Variants in OSBPL8 observed in about 807,000 individuals in gnomAD.
OSBPL8 encodes the protein oxysterol binding protein like 8, also known as oxysterol-binding protein-related protein 8.
A neutral mutation model predicts 125.5 loss-of-function variants in OSBPL8; 59 were observed. That is an observed-to-expected ratio of 0.47 (90% CI 0.38 to 0.58). The LOEUF is 0.58. Ranked by LOEUF, OSBPL8 falls within the 20% of genes least tolerant of loss-of-function variation. OSBPL8 has a pLI of 0.00. For missense variants in OSBPL8, 758 were observed against 1,047.8 expected (o/e 0.72, Z 3.82); for synonymous variants, 330 against 338.9 (o/e 0.97, Z 0.29).
chr12:76,386,341 G>T lies in OSBPL8; in HGVS notation c.1435-75C>A. The T allele has an allele frequency of 2.7e-6, 4 of 1,484,026 alleles. No homozygotes were observed. The South Asian group carries it at 5.6e-5, about 21-fold the overall frequency. 91.9% of individuals were successfully genotyped at this position (1,484,026 alleles called of 1,614,324 possible). A position where few individuals can be genotyped will look rare whatever the true frequency, so the allele number is the denominator to read the frequency against. On this transcript the variant is annotated intron_variant, in intron 13 of 23. Coordinates refer to ENST00000261183, the MANE Select transcript of OSBPL8 (RefSeq NM_020841.5). ...AAAATAGTTTAAACTAGTCAAAATG[G>T]GTTTAACTCTACCATCTGGGAACCG...
At chr12:76,543,392 A>G (rs1950697229) in intron 1 of OSBPL8, among the ~76,000 whole-genome samples, 1 of 152,150 alleles carries the variant, frequency 6.6e-6, no homozygotes, top group Non-Finnish European at 1.5e-5. Flanking sequence ...TTCAAAATAG[A>G]AAATGAAATC....
At chr12:76,457,598 T>C (rs1164819741) in intron 3 of OSBPL8, among the ~76,000 whole-genome samples, 1 of 152,196 alleles carries the variant, frequency 6.6e-6, no homozygotes, top group Non-Finnish European at 1.5e-5. Context: ...AAGGGTCAAC[T>C]GTACTTCACT....
At chr12:76,505,683 G>C (rs968492805) in intron 1 of OSBPL8, among the ~76,000 whole-genome samples, 2 of 151,822 alleles carry the variant, frequency 1.3e-5, no homozygotes, top group Non-Finnish European at 2.9e-5. Context: ...ATGACTAGAA[G>C]ACCCTTCCAA....
intron 4 of OSBPL8, among the ~76,000 whole-genome samples, chr12:76,448,797 A>G (rs1873025359): frequency 2.0e-5 from 3 of 152,126 alleles, no homozygotes; most frequent in South Asian, 2.1e-4. Flanking sequence ...GGCGGATCAC[A>G]AGGTCAAGAG....
intron 1 of OSBPL8, among the ~76,000 whole-genome samples, chr12:76,554,854 T>C (rs59295800): frequency 0.046 from 7,076 of 152,280 alleles, 593 homozygotes; most frequent in African/African-American, 0.16. Flanking sequence ...TCTTAGTCTT[T>C]GTATAATAAA....
chr12:76,411,110 A>G (rs1954496221), intron 4 of OSBPL8, among the ~76,000 whole-genome samples: 1 of 152,208 alleles, frequency 6.6e-6, no homozygotes, highest in African/African-American at 2.4e-5. Flanking sequence ...CAAAGCACTT[A>G]GCATAGTGTT....
At chr12:76,428,614 C>G (rs1870438988) in intron 4 of OSBPL8, among the ~76,000 whole-genome samples, 2 of 151,908 alleles carry the variant, frequency 1.3e-5, no homozygotes, top group South Asian at 4.2e-4. Flanking sequence ...CTTAAAGCAG[C>G]AGGATGAGTT....
intron 2 of OSBPL8, among the ~76,000 whole-genome samples, chr12:76,482,227 T>C (rs1447245734): frequency 1.3e-5 from 2 of 152,252 alleles, no homozygotes; most frequent in Non-Finnish European, 2.9e-5. Context: ...ATAAAATCAA[T>C]TTTTAATACA....
At chr12:76,534,626 T>C (rs540069170) in intron 1 of OSBPL8, among the ~76,000 whole-genome samples, 1 of 152,018 alleles carries the variant, frequency 6.6e-6, no homozygotes, top group East Asian at 1.9e-4. Flanking sequence ...AAGCAGAAAC[T>C]CACAAAAAGA....
In OSBPL8 at chr12:76,514,889, C is replaced by G. The variant is rs189019473; in HGVS notation, c.-67-27271G>C. On this transcript the variant is annotated intron_variant, in intron 1 of 23. Coordinates refer to ENST00000261183, the MANE Select transcript of OSBPL8 (RefSeq NM_020841.5). ...TTATGTTTGTCTATCTTATTTCAGA[C>G]AGCCAGTCTTCAAGATCTGAGATTC... 4.6e-5 allele frequency among the ~76,000 whole-genome samples: 7 copies of G among 152,320 alleles called. No homozygotes were observed. In the East Asian group the frequency reaches 5.8e-4, roughly 13 times the overall value.
chr12:76,477,408 G>A (rs1406890681), intron 2 of OSBPL8, among the ~76,000 whole-genome samples: 1 of 152,084 alleles, frequency 6.6e-6, no homozygotes, highest in Non-Finnish European at 1.5e-5. Flanking sequence ...GATGAAAACG[G>A]CACTTTATCT....
At chr12:76,437,829 C>G (rs532939606) in intron 4 of OSBPL8, among the ~76,000 whole-genome samples, 2 of 152,152 alleles carry the variant, frequency 1.3e-5, no homozygotes, top group South Asian at 4.1e-4. Flanking sequence ...TTACACTTTC[C>G]CCACATAAGA....
intron 21 of OSBPL8, among the ~76,000 whole-genome samples, chr12:76,368,777 G>T (rs1565830977): frequency 6.6e-6 from 1 of 151,352 alleles, no homozygotes; most frequent in Non-Finnish European, 1.5e-5. Context: ...TCAGAGATGA[G>T]TGCCTGTGTA....
At chr12:76,368,323 C>A (rs1391493957) in intron 21 of OSBPL8, among the ~76,000 whole-genome samples, 1 of 152,140 alleles carries the variant, frequency 6.6e-6, no homozygotes, top group African/African-American at 2.4e-5. Context: ...TTGTTTCTCT[C>A]TGCTGATTTT....
intron 1 of OSBPL8, among the ~76,000 whole-genome samples, chr12:76,522,158 C>A (rs753146861): frequency 6.6e-6 from 1 of 152,186 alleles, no homozygotes; most frequent in Non-Finnish European, 1.5e-5. Context: ...AATTAATGCT[C>A]TCATCTCATT....
chr12:76,534,068 G>A (rs941103977), intron 1 of OSBPL8, among the ~76,000 whole-genome samples: 1 of 152,126 alleles, frequency 6.6e-6, no homozygotes. Context: ...AAATACCTGA[G>A]TGCTATTTTG....
At chr12:76,431,286 C>G (rs1423915225) in intron 4 of OSBPL8, among the ~76,000 whole-genome samples, 1 of 135,706 alleles carries the variant, frequency 7.4e-6, no homozygotes, top group African/African-American at 2.6e-5. Context: ...CACACCACTG[C>G]CAAAAAAAGA....
intron 1 of OSBPL8, among the ~76,000 whole-genome samples, chr12:76,558,536 C>T (rs1001787891): frequency 6.6e-6 from 1 of 152,182 alleles, no homozygotes; most frequent in African/African-American, 2.4e-5. Flanking sequence ...GCAAAAACAT[C>T]ATTAAATTTT....
intron 4 of OSBPL8, among the ~76,000 whole-genome samples, chr12:76,417,976 C>A (rs1868925687): frequency 1.3e-5 from 2 of 150,586 alleles, no homozygotes; most frequent in South Asian, 2.1e-4. Context: ...GGAATGAAAA[C>A]CCTCTCTCCA....
Sources: gnomAD v4.1 joint callset for allele counts (sites outside exome capture counted in the v4.1 genomes callset) on GRCh38, gnomAD v4.1.1 for gene constraint, MANE v1.5 for transcripts, NCBI Gene and HGNC (gene_info 2026-07-23, HGNC 2026-07-21) for gene names.